Variants in TECPR2 observed in about 807,000 individuals in gnomAD.
The protein encoded by TECPR2 is tectonin beta-propeller repeat-containing protein 2.
Under a neutral mutation model 138.1 loss-of-function variants are expected in TECPR2, and 65 were observed. The ratio of observed to expected loss-of-function variants is 0.47; its 90% CI spans 0.39 to 0.58. The LOEUF is 0.58. TECPR2 is among the 20% of genes least tolerant of loss of function. The pLI is 0.00. For missense variants in TECPR2, 1,553 were observed against 1,824.5 expected, an observed-to-expected ratio of 0.85 and a Z score of 2.71; for synonymous variants, 746 against 749.8, an observed-to-expected ratio of 0.99 and a Z score of 0.08.
At position 102,477,396 on chromosome 14, in the gene TECPR2, C is replaced by T. The variant is rs932436898; in HGVS notation, c.3789+12107C>T. On this transcript the variant is annotated intron_variant, in intron 17 of 19. Coordinates refer to ENST00000359520, the MANE Select transcript of TECPR2 (RefSeq NM_014844.5). ...AAAAAAAAAAAAAGGAAAGAAAATG[C>T]TAACACAGATCAGTGCTTACTCAAG... Among the ~76,000 whole-genome samples, 11 of 151,708 alleles carry T rather than the reference C, an allele frequency of 7.3e-5. 1 individual carries two copies. Among genetic ancestry groups the T allele is most frequent in the African/African-American group, 2.4e-4 (10 of 41,308 alleles).
chr14:102,464,330 C>G (rs1357606553), intron 16 of TECPR2, among the ~76,000 whole-genome samples: 1 of 152,182 alleles, frequency 6.6e-6, no homozygotes, highest in Non-Finnish European at 1.5e-5. Context: ...TTTCCTCTTG[C>G]AATCAGTCTC....
Position 102,452,669 on chromosome 14 carries a change from C to T in TECPR2, c.3640+42C>T, listed in dbSNP as rs1890177756. On this transcript the variant is annotated intron_variant, in intron 16 of 19. Transcript: ENST00000359520. ...AGTACACCTGCCGGTGCCCTGACTG[C>T]CCTAAACCGGCATCACAACGTGATG... The T allele has an allele frequency of 6.1e-6, 9 of 1,487,054 alleles. No individual in the cohort carries two copies. In the East Asian group the frequency reaches 7.4e-5, roughly 12 times the overall value. The allele number at this position is 1,487,054 out of a possible 1,614,324, so 92.1% of individuals were successfully genotyped here.
At chr14:102,436,769 C>A (rs1304907555) in intron 9 of TECPR2, among the ~76,000 whole-genome samples, 1 of 152,210 alleles carries the variant, frequency 6.6e-6, no homozygotes, top group Non-Finnish European at 1.5e-5. Flanking sequence ...GCCTCAGAGT[C>A]TTGAGGGGGA....
rs138987269 is a variant in TECPR2 at position 102,373,470 on chromosome 14, A to C, written c.-72-3180A>C. 2.2e-3 allele frequency among the ~76,000 whole-genome samples: 337 copies of C among 152,356 alleles called. 1 individual carries two copies. Among genetic ancestry groups the C allele is most frequent in the African/African-American group, 7.6e-3 (317 of 41,578 alleles). ...GATGATTTTGCCCAGCTGTAGGCTA[A>C]CATAAGTATTCTAAGCACATTTAAG... On this transcript the variant is annotated intron_variant, in intron 1 of 19. Coordinates refer to ENST00000359520, the MANE Select transcript of TECPR2 (RefSeq NM_014844.5).
chr14:102,386,153 G>A (rs1270475983), intron 2 of TECPR2, among the ~76,000 whole-genome samples: 2 of 151,864 alleles, frequency 1.3e-5, no homozygotes, highest in Non-Finnish European at 2.9e-5. Context: ...TATAATTGTG[G>A]AGAATCACAA....
intron 2 of TECPR2, among the ~76,000 whole-genome samples, chr14:102,396,892 CAA>C (rs1236692782): frequency 1.3e-5 from 2 of 152,190 alleles, no homozygotes; most frequent in Non-Finnish European, 2.9e-5. Context: ...GAGGTGCAGA[CAA>C]AGAGATGGGT....
In TECPR2 at chr14:102,449,803, A is replaced by C. The variant is rs1890094378; in HGVS notation, c.3250A>C (p.Asn1084His). The change falls in exon 14 of 20, where the codon AAT (asparagine) becomes CAT (histidine). Residue 1084 changes from asparagine to histidine, a missense_variant. Physicochemically the swap from Asn to His is moderately conservative, Grantham distance 68. Transcript: ENST00000359520. The part of the protein sequence containing the change: ...LQCQPSLLGV[N>H]NSGVWISSGK... ...GTGCCAGCCAAGCCTTCTCGGGGTCAATAACAGCGGTGTCTGGATCTCCTC... is the reference window on the plus strand; with the variant it reads ...GTGCCAGCCAAGCCTTCTCGGGGTCCATAACAGCGGTGTCTGGATCTCCTC... The C allele has an allele frequency of 3.7e-6, 6 of 1,614,202 alleles. No homozygotes were observed. Among genetic ancestry groups the C allele is most frequent in the Non-Finnish European group, 5.1e-6 (6 of 1,180,036 alleles).
intron 17 of TECPR2, among the ~76,000 whole-genome samples, chr14:102,488,726 A>G (rs2139794779): frequency 6.6e-6 from 1 of 152,008 alleles, no homozygotes. Context: ...GTTCACAGCA[A>G]TGGTAACTGC....
chr14:102,365,398 G>A (rs1887317053), intron 1 of TECPR2, among the ~76,000 whole-genome samples: 1 of 152,228 alleles, frequency 6.6e-6, no homozygotes, highest in Non-Finnish European at 1.5e-5. Context: ...CAGGGCACAT[G>A]TGGGGGAATA....
rs45605932 is a variant in TECPR2, at chr14:102,434,686, G to C, written c.1869G>C (p.Gly623=). Residue 623 remains glycine (G), a synonymous_variant, in exon 9 of 20, where the codon GGG becomes GGC. Transcript: ENST00000359520. ...TCCAAGAACAGGACAGCTCTCCTGG[G>C]GCGCATGATGGGGAAGACATCCAAC... ...LPFQEQDSSP[G]AHDGEDIQPI... 1.2e-6 allele frequency: 2 copies of C among 1,612,912 alleles called. No homozygotes were observed. Among genetic ancestry groups the C allele is most frequent in the East Asian group, 2.2e-5 (1 of 44,868 alleles).
chr14:102,376,063 C>T (rs753140017), intron 1 of TECPR2, among the ~76,000 whole-genome samples: 9 of 152,154 alleles, frequency 5.9e-5, no homozygotes, highest in African/African-American at 9.7e-5. Flanking sequence ...GACTCTTGAG[C>T]GCTGAGGAGG....
At chr14:102,476,394 AAAC>A (rs953517164) in intron 17 of TECPR2, among the ~76,000 whole-genome samples, 2 of 151,940 alleles carry the variant, frequency 1.3e-5, no homozygotes, top group East Asian at 3.9e-4. Flanking sequence ...ACAAAACAAA[AAAC>A]AACAACTCAA....
chr14:102,486,578 A>C (rs1406280326), intron 17 of TECPR2, among the ~76,000 whole-genome samples: 1 of 152,148 alleles, frequency 6.6e-6, no homozygotes, highest in African/African-American at 2.4e-5. Context: ...GCCCTGAGGC[A>C]CCTCTGCAAG....
chr14:102,416,900 C>T (rs934235253), intron 5 of TECPR2, among the ~76,000 whole-genome samples: 1 of 152,188 alleles, frequency 6.6e-6, no homozygotes, highest in African/African-American at 2.4e-5. Context: ...AGGAGAATCG[C>T]TTGAACCGGG....
chr14:102,478,304 C>A (rs1362967099), intron 17 of TECPR2, among the ~76,000 whole-genome samples: 1 of 152,080 alleles, frequency 6.6e-6, no homozygotes, highest in Non-Finnish European at 1.5e-5. Flanking sequence ...CCACCTTAGC[C>A]TCCCAAAGTA....
chr14:102,455,006 C>T (rs1890240952), intron 16 of TECPR2, among the ~76,000 whole-genome samples: 1 of 152,188 alleles, frequency 6.6e-6, no homozygotes, highest in Non-Finnish European at 1.5e-5. Context: ...GGCTAGCTGG[C>T]CAAAGTGGTG....
At chr14:102,460,385 A>G (rs1890377050) in intron 16 of TECPR2, among the ~76,000 whole-genome samples, 1 of 152,072 alleles carries the variant, frequency 6.6e-6, no homozygotes, top group Non-Finnish European at 1.5e-5. Flanking sequence ...AGGCCAAGGC[A>G]GGCAGATCAC....
At chr14:102,376,528 C>G (rs1196562700) in intron 1 of TECPR2, 122 bp from the exon 2 acceptor site, 2 of 591,284 alleles carry the variant, frequency 3.4e-6, no homozygotes, top group Non-Finnish European at 6.0e-6. Flanking sequence ...GTTTACTTTC[C>G]CTGTTTATTT....
intron 17 of TECPR2, among the ~76,000 whole-genome samples, chr14:102,487,264 C>T (rs1263711667): frequency 6.6e-6 from 1 of 152,220 alleles, no homozygotes; most frequent in Non-Finnish European, 1.5e-5. Flanking sequence ...AACCCTCGGT[C>T]CACCCTGGTA....
Sources: gnomAD v4.1 joint callset for allele counts (sites outside exome capture counted in the v4.1 genomes callset) on GRCh38, gnomAD v4.1.1 for gene constraint, MANE v1.5 for transcripts, NCBI Gene and HGNC (gene_info 2026-07-23, HGNC 2026-07-21) for gene names.